The following TRAPPC9 variants were observed in gnomAD, a reference collection of about 807,000 sequenced individuals.
TRAPPC9 encodes trafficking protein particle complex subunit 9, also known as IKK2 binding protein.
In TRAPPC9, 83 loss-of-function variants were observed where a neutral mutation model predicts 124.0. That is an observed-to-expected ratio of 0.67 (90% confidence interval 0.56 to 0.80). The LOEUF is 0.80. TRAPPC9 is among the 30% of genes least tolerant of loss of function. TRAPPC9 has a pLI of 0.00. For missense variants in TRAPPC9, 1,302 were observed against 1,508.3 expected (o/e 0.86, Z 2.27); for synonymous variants, 638 against 617.5 (o/e 1.03, Z -0.49).
intron 17 of TRAPPC9, among the ~76,000 whole-genome samples, chr8:140,078,888 T>C (rs1843655909): frequency 6.6e-6 from 1 of 152,154 alleles, no homozygotes. Flanking sequence ...GGATGGATCC[T>C]ATCATCTCTC....
chr8:139,809,837 T>G (rs903178998), intron 21 of TRAPPC9, among the ~76,000 whole-genome samples: 1 of 152,122 alleles, frequency 6.6e-6, no homozygotes, highest in Non-Finnish European at 1.5e-5. Context: ...ATACCCCACA[T>G]GCCAGCCCCT....
At chr8:140,164,410 T>C (rs553106318) in intron 17 of TRAPPC9, among the ~76,000 whole-genome samples, 35 of 152,356 alleles carry the variant, frequency 2.3e-4, no homozygotes, top group Middle Eastern at 3.4e-3. Context: ...CGTGTATATC[T>C]TTTCTGGACA....
chr8:139,891,493 C>T (rs544519743), intron 20 of TRAPPC9, among the ~76,000 whole-genome samples: 2 of 152,360 alleles, frequency 1.3e-5, no homozygotes, highest in South Asian at 4.1e-4. Context: ...TATGCTTCCT[C>T]ATGCACGTGC....
In TRAPPC9 at chr8:139,769,450, G is replaced by A. The variant is rs147912859; in HGVS notation, c.3056-37248C>T. Among the ~76,000 whole-genome samples the A allele has an allele frequency of 1.2e-4, 18 of 152,284 alleles. No homozygotes were observed. The East Asian group carries it at 1.9e-3, about 16-fold the overall frequency. ...GACAAAGGGAGATGCAGGGCATGAC[G>A]GGCAAGATGTCACCATGCTACTCTG... is the stretch of plus-strand genomic sequence containing the variant. On this transcript the variant is annotated intron_variant, in intron 21 of 22. Coordinates refer to ENST00000438773, the MANE Select transcript of TRAPPC9 (RefSeq NM_001160372.4).
At chr8:139,874,425 A>G (rs1311205991) in intron 21 of TRAPPC9, among the ~76,000 whole-genome samples, 1 of 152,224 alleles carries the variant, frequency 6.6e-6, no homozygotes, top group African/African-American at 2.4e-5. Context: ...GCCCGCAGAC[A>G]GTACAACCTT....
In TRAPPC9 at chr8:140,216,224, G is replaced by T. The variant is rs1189288176; in HGVS notation, c.2556+5235C>A. 6.6e-6 allele frequency among the ~76,000 whole-genome samples: 1 copy of T among 152,168 alleles called. No individual in the cohort carries two copies. The highest frequency in any genetic ancestry group is 6.5e-5 in the Admixed American group (1 of 15,282). ...AAGGACAATTTCGATGCAAGTGCCT[G>T]ATATGCAAGAGTTCCTCGGTAAACG... On this transcript the variant is annotated intron_variant, in intron 17 of 22. Coordinates refer to ENST00000438773, the MANE Select transcript of TRAPPC9 (RefSeq NM_001160372.4). This position sits in a 1 kb window ranked among gnomAD's most constrained non-coding sequence, Gnocchi z 4.1.
rs986274422 is a variant in TRAPPC9, at chr8:139,984,455, G to A, written c.2810+4271C>T. Among the ~76,000 whole-genome samples, 4 of 152,194 alleles carry A rather than the reference G, an allele frequency of 2.6e-5. No individual in the cohort carries two copies. Among genetic ancestry groups the A allele is most frequent in the African/African-American group, 9.6e-5 (4 of 41,522 alleles). On this transcript the variant is annotated intron_variant, in intron 19 of 22. Transcript: ENST00000438773. This position sits in a 1 kb window ranked among gnomAD's most constrained non-coding sequence, Gnocchi z 4.3. ...TAGGTTTAGCACAGCCTGGGGGTGG[G>A]GGGCCGGGGGGTGGTGGCAGGGGTG...
chr8:140,145,572 A>G (rs1001143178), intron 17 of TRAPPC9, among the ~76,000 whole-genome samples: 33 of 152,204 alleles, frequency 2.2e-4, no homozygotes, highest in African/African-American at 7.7e-4. Context: ...TATATATGTA[A>G]CACTGGGAAA....
chr8:140,028,706 G>C (rs1174864630), intron 17 of TRAPPC9, among the ~76,000 whole-genome samples: 2 of 152,318 alleles, frequency 1.3e-5, no homozygotes, highest in East Asian at 1.9e-4. Context: ...GCCACCCTTG[G>C]GGCACTCGAG....
Position 140,451,119 on chromosome 8 carries a change from G to A in TRAPPC9, c.255C>T (p.Asp85=), listed in dbSNP as rs1215434441. ...RKVVGLITIT[D]CFSAKDWPQT... is the part of the protein sequence containing the mutation. ...GTGGCCAGTCCTTGGCCGAGAAGCA[G>A]TCTGTGATGGTGATGAGGCCCACGA... Residue 85 remains aspartate (D), a synonymous_variant, in exon 2 of 23, where the codon GAC becomes GAT. Transcript: ENST00000438773. 1 of 1,614,136 alleles carries A rather than the reference G, an allele frequency of 6.2e-7. No individual in the cohort carries two copies. The highest frequency in any genetic ancestry group is 8.5e-7 in the Non-Finnish European group (1 of 1,180,010).
At chr8:140,108,968 A>G (rs1268469089) in intron 17 of TRAPPC9, among the ~76,000 whole-genome samples, 1 of 152,224 alleles carries the variant, frequency 6.6e-6, no homozygotes, top group Non-Finnish European at 1.5e-5. Context: ...TACTTACTGA[A>G]AAACAGTGCA....
intron 15 of TRAPPC9, among the ~76,000 whole-genome samples, chr8:140,272,940 G>A (rs918144192): frequency 3.3e-5 from 5 of 151,260 alleles, no homozygotes; most frequent in Non-Finnish European, 7.4e-5. Context: ...CTAAACCACA[G>A]CAAGTAGTAA....
At chr8:140,278,580 T>C (rs1021560961) in intron 14 of TRAPPC9, among the ~76,000 whole-genome samples, 2 of 152,236 alleles carry the variant, frequency 1.3e-5, no homozygotes, top group Non-Finnish European at 2.9e-5. Flanking sequence ...CAGAGTGGCC[T>C]GCTGCACACT....
chr8:140,232,500 T>A (rs1025017083), intron 16 of TRAPPC9, among the ~76,000 whole-genome samples: 3 of 152,174 alleles, frequency 2.0e-5, no homozygotes, highest in African/African-American at 7.2e-5. Flanking sequence ...GACATGCAGG[T>A]CTGGGTTCAA....
chr8:140,384,782 TA>T (rs1287563485), intron 7 of TRAPPC9, among the ~76,000 whole-genome samples: 7 of 152,138 alleles, frequency 4.6e-5, no homozygotes, highest in African/African-American at 1.7e-4. Context: ...TTAACAAGGA[TA>T]ACCAGGAATT....
chr8:140,272,203 AGTGGTG>A (rs2064943109), intron 15 of TRAPPC9, among the ~76,000 whole-genome samples: 4 of 74,046 alleles, frequency 5.4e-5, no homozygotes, highest in Admixed American at 4.0e-4. Context: ...TGATGGTGGC[AGTGGTG>A]AGGGTGGTGG....
chr8:140,163,160 G>A (rs1221644050), intron 17 of TRAPPC9, among the ~76,000 whole-genome samples: 1 of 152,204 alleles, frequency 6.6e-6, no homozygotes, highest in Non-Finnish European at 1.5e-5. Context: ...CCAACCACCA[G>A]TCCCGCCAGC....
At chr8:139,973,569 G>C (rs796705634) in intron 19 of TRAPPC9, among the ~76,000 whole-genome samples, 4 of 152,352 alleles carry the variant, frequency 2.6e-5, no homozygotes, top group African/African-American at 9.6e-5. Context: ...AGAGGGAATA[G>C]TAACGGAAAT....
chr8:140,267,414 G>A (rs1563897879), intron 15 of TRAPPC9, among the ~76,000 whole-genome samples: 1 of 152,156 alleles, frequency 6.6e-6, no homozygotes, highest in South Asian at 2.1e-4. Context: ...AACATTTCAC[G>A]CTCACCACAA....
Sources: allele counts gnomAD v4.1 joint callset (sites outside exome capture counted in the v4.1 genomes callset), GRCh38; gene constraint gnomAD v4.1.1; non-coding constraint Gnocchi (gnomAD v3.1); transcripts MANE v1.5; gene names NCBI Gene and HGNC (gene_info 2026-07-23, HGNC 2026-07-21).